Variants in SLC15A2 observed in about 807,000 individuals in gnomAD.
The protein encoded by SLC15A2 is solute carrier family 15 member 2.
SLC15A2 carries 77 observed loss-of-function variants against 95.5 expected under a neutral mutation model. The ratio of observed to expected loss-of-function variants is 0.81; its 90% CI spans 0.67 to 0.97. The LOEUF is 0.97. Among genes scored for constraint, SLC15A2 ranks in the 50% least tolerant of loss-of-function variants. The pLI, the probability that SLC15A2 is intolerant of heterozygous loss-of-function variation, is 0.00. For synonymous variants in SLC15A2, 306 were observed against 306.9 expected (o/e 1.00, Z 0.03); for missense variants, 893 against 874.4 (o/e 1.02, Z -0.27).
At chr3:121,903,630 TTGTCAGGTTTGTCAAAGATCAGA>T (rs1709565050) in intron 3 of SLC15A2, among the ~76,000 whole-genome samples, 1 of 152,218 alleles carries the variant, frequency 6.6e-6, no homozygotes, top group African/African-American at 2.4e-5. Flanking sequence ...TTGCTTGTTT[TTGTCAGGTTTGTCAAAGATCAGA>T]TGGTTGTAGA....
chr3:121,922,197 C>A (rs759406143), intron 7 of SLC15A2, 23 bp from the exon 8 acceptor site: 1 of 1,601,624 alleles, frequency 6.2e-7, no homozygotes, highest in South Asian at 1.1e-5. Flanking sequence ...AAGCTAAGAA[C>A]CTTGTTTGTG....
chr3:121,912,758 C>T (rs994308977), intron 4 of SLC15A2, among the ~76,000 whole-genome samples: 2 of 152,050 alleles, frequency 1.3e-5, no homozygotes, highest in African/African-American at 4.8e-5. Flanking sequence ...CTATCGGATG[C>T]TCATAAGGGG....
chr3:121,927,572 TC>T, intron 13 of SLC15A2, 185 bp from the exon 14 acceptor site: 1 of 519,220 alleles, frequency 1.9e-6, no homozygotes, highest in Non-Finnish European at 3.4e-6. Flanking sequence ...GCACTGTGCT[TC>T]CTGTAAAGCT....
At chr3:121,907,278 C>A (rs992530846) in intron 3 of SLC15A2, among the ~76,000 whole-genome samples, 5 of 152,120 alleles carry the variant, frequency 3.3e-5, no homozygotes, top group African/African-American at 1.2e-4. Context: ...TTTTAGCTTC[C>A]TTGTAATGGG....
chr3:121,935,113 C>T (rs1278467846), intron 19 of SLC15A2, among the ~76,000 whole-genome samples: 1 of 152,132 alleles, frequency 6.6e-6, no homozygotes, highest in Non-Finnish European at 1.5e-5. Context: ...AGGGATGAAG[C>T]CCACTTGATC....
chr3:121,934,958 G>A (rs1489029920), intron 19 of SLC15A2, among the ~76,000 whole-genome samples: 1 of 146,448 alleles, frequency 6.8e-6, no homozygotes, highest in Admixed American at 7.3e-5. Context: ...AATTTATTGA[G>A]AGTTTTTAGC....
At chr3:121,928,718 G>GT (rs2107603081) in intron 15 of SLC15A2, among the ~76,000 whole-genome samples, 163 bp downstream of exon 15, 1 of 152,194 alleles carries the variant, frequency 6.6e-6, no homozygotes, top group East Asian at 1.9e-4. Context: ...ATATACCATA[G>GT]TTTATTTAGA....
intron 7 of SLC15A2, among the ~76,000 whole-genome samples, chr3:121,920,167 C>T (rs1039625016): frequency 3.3e-5 from 5 of 152,230 alleles, no homozygotes; most frequent in South Asian, 4.1e-4. Flanking sequence ...CCTATTATCA[C>T]TCCACTGTCA....
chr3:121,905,741 A>G (rs1232546907), intron 3 of SLC15A2, among the ~76,000 whole-genome samples: 1 of 152,010 alleles, frequency 6.6e-6, no homozygotes, highest in Non-Finnish European at 1.5e-5. Context: ...GTTTTTTTAT[A>G]TTTGCTGAGG....
chr3:121,927,037 T>C (rs2107601322), intron 13 of SLC15A2, among the ~76,000 whole-genome samples: 2 of 152,380 alleles, frequency 1.3e-5, no homozygotes, highest in Non-Finnish European at 2.9e-5. Context: ...ACCCAGTATC[T>C]ATACCCCCAT....
intron 19 of SLC15A2, 32 bp from the exon 20 acceptor site, chr3:121,939,317 A>G: frequency 2.1e-6 from 3 of 1,454,744 alleles, no homozygotes; most frequent in Non-Finnish European, 2.7e-6. Context: ...GAGACTACTG[A>G]CAAGTCCATT....
In SLC15A2 at chr3:121,943,419, C is replaced by T. The variant is rs1344709070; in HGVS notation, c.*2412C>T. On this transcript the variant is annotated 3_prime_UTR_variant, in exon 22 of 22. Coordinates refer to ENST00000489711, the MANE Select transcript of SLC15A2 (RefSeq NM_021082.4). ...TGGTTCCTCACCAGGCATAATTTGT[C>T]CTTTTACCATCCTACTTTCTGTCTT... The T allele has an allele frequency of 6.6e-6, 1 of 152,102 alleles. No homozygotes were observed. The highest frequency in any genetic ancestry group is 6.5e-5 in the Admixed American group (1 of 15,268). The allele number at this position is 152,102 out of a possible 1,614,324, so 9.4% of individuals were successfully genotyped here.
intron 3 of SLC15A2, among the ~76,000 whole-genome samples, chr3:121,905,578 CT>C (rs1709621242): frequency 2.0e-5 from 3 of 152,270 alleles, no homozygotes; most frequent in South Asian, 2.1e-4. Context: ...CAAAGGACAT[CT>C]TTATTTCTGC....
intron 13 of SLC15A2, among the ~76,000 whole-genome samples, chr3:121,925,680 A>C (rs1347465172): frequency 2.8e-5 from 4 of 140,496 alleles, no homozygotes; most frequent in African/African-American, 7.9e-5. Context: ...CAAAAAAAAA[A>C]ACAACATTTC....
At chr3:121,939,521 A>G in intron 20 of SLC15A2, 26 bp downstream of exon 20, 1 of 1,470,974 alleles carries the variant, frequency 6.8e-7, no homozygotes, top group Non-Finnish European at 9.0e-7. Context: ...TAGAAGGTAG[A>G]AATTGAGGCA....
At chr3:121,939,640 A>G (rs1710420602) in intron 20 of SLC15A2, 145 bp downstream of exon 20, 1 of 540,522 alleles carries the variant, frequency 1.9e-6, no homozygotes, top group African/African-American at 2.0e-5. Flanking sequence ...TGACCTGAAC[A>G]TCTTAACTCC....
chr3:121,894,948 C>T (rs1709389751), intron 1 of SLC15A2, among the ~76,000 whole-genome samples: 3 of 152,234 alleles, frequency 2.0e-5, no homozygotes. Flanking sequence ...GCCCTTAGTT[C>T]TCCCTGTGTG....
chr3:121,895,128 C>A (rs936705407), intron 1 of SLC15A2, among the ~76,000 whole-genome samples: 2 of 152,194 alleles, frequency 1.3e-5, no homozygotes, highest in African/African-American at 4.8e-5. Flanking sequence ...TCAATTCTTA[C>A]ACTAAAATTC....
rs1710508213 is a variant in SLC15A2 at position 121,944,079 on chromosome 3, T to C, written c.*3072T>C. The C allele has an allele frequency of 6.6e-6, 1 of 152,238 alleles. No homozygotes were observed. Among genetic ancestry groups the C allele is most frequent in the Non-Finnish European group, 1.5e-5 (1 of 68,042 alleles). The allele number at this position is 152,238 out of a possible 1,614,324, so 9.4% of individuals were successfully genotyped here. ...AATTGGAAAAGAGGTATAAATGCAG[T>C]ATTATAATCTAATGGGACCACCATC... On this transcript the variant is annotated 3_prime_UTR_variant, in exon 22 of 22. Coordinates refer to ENST00000489711, the MANE Select transcript of SLC15A2 (RefSeq NM_021082.4).
Sources: allele counts gnomAD v4.1 joint callset (sites outside exome capture counted in the v4.1 genomes callset), GRCh38; gene constraint gnomAD v4.1.1; transcripts MANE v1.5; gene names NCBI Gene and HGNC (gene_info 2026-07-23, HGNC 2026-07-21).